The following ASTN2 variants were observed in gnomAD, a reference collection of about 807,000 sequenced individuals.
ASTN2 encodes astrotactin-2.
In ASTN2, 54 loss-of-function variants were observed where a neutral mutation model predicts 139.8. The ratio of observed to expected loss-of-function variants is 0.39; its 90% CI spans 0.31 to 0.48. The LOEUF is 0.48. Among genes scored for constraint, ASTN2 ranks in the 20% least tolerant of loss-of-function variants. The probability of loss-of-function intolerance (pLI) is 0.95; values close to 1 mark genes in which losing one functional copy is unlikely to be tolerated. For missense variants in ASTN2, 1,565 were observed against 1,725.1 expected, an observed-to-expected ratio of 0.91 and a Z score of 1.64; for synonymous variants, 756 against 719.5, an observed-to-expected ratio of 1.05 and a Z score of -0.81.
chr9:117,011,638 G>A (rs1363935216), intron 6 of ASTN2, among the ~76,000 whole-genome samples: 3 of 152,208 alleles, frequency 2.0e-5, no homozygotes, highest in African/African-American at 7.2e-5. Flanking sequence ...TGGCAGAAGG[G>A]AGTTACTATC....
intron 19 of ASTN2, among the ~76,000 whole-genome samples, chr9:116,503,454 T>C (rs1293721713): frequency 1.3e-5 from 2 of 152,040 alleles, no homozygotes; most frequent in African/African-American, 4.8e-5. Context: ...TTCCTTGAAA[T>C]AAAGAAAAGG....
At chr9:116,893,695 C>A (rs1031689753) in intron 10 of ASTN2, among the ~76,000 whole-genome samples, 2 of 152,076 alleles carry the variant, frequency 1.3e-5, no homozygotes, top group African/African-American at 4.8e-5. Flanking sequence ...ACACCTCTCC[C>A]TCCCTCTCTC....
rs565132530 is a variant in ASTN2, at chr9:116,803,016, T to C, written c.2396+2616A>G. Among the ~76,000 whole-genome samples the C allele has an allele frequency of 2.1e-4, 32 of 152,312 alleles. No homozygotes were observed. In the East Asian group the frequency reaches 6.0e-3, roughly 28 times the overall value. ...TTTCAACAGGCTTCCATGGGAACTCTTTGGAAACCATCGTCTTTCCTTGGA... is the reference window on the plus strand; with the variant it reads ...TTTCAACAGGCTTCCATGGGAACTCCTTGGAAACCATCGTCTTTCCTTGGA... On this transcript the variant is annotated intron_variant, in intron 13 of 22. Coordinates refer to ENST00000313400, the MANE Select transcript of ASTN2 (RefSeq NM_001365068.1).
intron 1 of ASTN2, among the ~76,000 whole-genome samples, chr9:117,394,915 C>T (rs1350003957): frequency 6.6e-6 from 1 of 152,034 alleles, no homozygotes; most frequent in South Asian, 2.1e-4. Flanking sequence ...CTTCAAGTAT[C>T]TACTTGAAGA....
chr9:117,380,527 C>G (rs1830239790), intron 1 of ASTN2, among the ~76,000 whole-genome samples: 1 of 151,320 alleles, frequency 6.6e-6, no homozygotes. Context: ...ATCACTTGAA[C>G]CCAGGAGGTG....
At chr9:117,172,691 G>A (rs1830822504) in intron 3 of ASTN2, among the ~76,000 whole-genome samples, 1 of 152,036 alleles carries the variant, frequency 6.6e-6, no homozygotes, top group Non-Finnish European at 1.5e-5. Flanking sequence ...TTCTATCCAA[G>A]TTTTCTCTCA....
intron 16 of ASTN2, among the ~76,000 whole-genome samples, chr9:116,702,529 G>A (rs746128474): frequency 2.0e-5 from 3 of 151,764 alleles, no homozygotes; most frequent in Non-Finnish European, 4.4e-5. Flanking sequence ...CTTTATTGAG[G>A]GCTAACTAAT....
At chr9:117,142,550 C>T (rs1344966539) in intron 3 of ASTN2, among the ~76,000 whole-genome samples, 1 of 152,106 alleles carries the variant, frequency 6.6e-6, no homozygotes, top group Non-Finnish European at 1.5e-5. Flanking sequence ...AACACCTTGT[C>T]CAATATTCCG....
chr9:116,650,495 G>A (rs1027346708), intron 17 of ASTN2, among the ~76,000 whole-genome samples: 1 of 152,088 alleles, frequency 6.6e-6, no homozygotes, highest in African/African-American at 2.4e-5. Flanking sequence ...AGCTGTAAAA[G>A]GGGTACGATA....
chr9:116,959,027 C>T (rs1403637800), intron 10 of ASTN2, among the ~76,000 whole-genome samples: 1 of 152,026 alleles, frequency 6.6e-6, no homozygotes, highest in East Asian at 1.9e-4. Flanking sequence ...TGATAAGTGC[C>T]TGGAGAGAGG....
rs116388310 is a variant in ASTN2, at chr9:116,705,855, G to A, written c.2806+19916C>T. Among the ~76,000 whole-genome samples the A allele has an allele frequency of 5.6e-3, 860 of 152,246 alleles. 4 individuals are homozygous for A. Among genetic ancestry groups the A allele is most frequent in the African/African-American group, 0.015 (631 of 41,558 alleles). ...GGGCCTTAAAAGTAAAGGGAATATC[G>A]TGAACAAAGGTACAAGATTAGGATG... is the stretch of plus-strand genomic sequence containing the variant. On this transcript the variant is annotated intron_variant, in intron 16 of 22. Transcript: ENST00000313400.
At chr9:116,717,972 A>G (rs1306661750) in intron 16 of ASTN2, among the ~76,000 whole-genome samples, 1 of 152,274 alleles carries the variant, frequency 6.6e-6, no homozygotes, top group Non-Finnish European at 1.5e-5. Context: ...TCAATATGCC[A>G]GGCACTGGCT....
intron 5 of ASTN2, among the ~76,000 whole-genome samples, chr9:117,049,124 T>C: frequency 6.6e-6 from 1 of 151,928 alleles, no homozygotes; most frequent in East Asian, 1.9e-4. Flanking sequence ...TGCGCCACTG[T>C]GCACAGTTAA....
intron 11 of ASTN2, among the ~76,000 whole-genome samples, chr9:116,828,709 A>AAGTC (rs990255154): frequency 3.3e-5 from 5 of 152,214 alleles, no homozygotes; most frequent in Admixed American, 2.6e-4. Context: ...CTCACCAAAG[A>AAGTC]AGTCAGGACA....
intron 10 of ASTN2, among the ~76,000 whole-genome samples, chr9:116,933,158 C>A (rs1834957259): frequency 6.6e-6 from 1 of 152,018 alleles, no homozygotes; most frequent in South Asian, 2.1e-4. Flanking sequence ...TAAGAGTTAG[C>A]TGTACTAATA....
At chr9:116,706,215 A>T (rs747324451) in intron 16 of ASTN2, among the ~76,000 whole-genome samples, 1 of 152,188 alleles carries the variant, frequency 6.6e-6, no homozygotes, top group Non-Finnish European at 1.5e-5. Flanking sequence ...TCCTTTAAAA[A>T]TTCTGAAATA....
chr9:116,529,352 G>A (rs1012127057), intron 19 of ASTN2, among the ~76,000 whole-genome samples: 6 of 152,104 alleles, frequency 3.9e-5, no homozygotes, highest in Non-Finnish European at 8.8e-5. Flanking sequence ...GTGACCTGTA[G>A]CCCCTTTGTT....
chr9:116,664,124 C>T (rs1170805871), intron 16 of ASTN2, among the ~76,000 whole-genome samples: 1 of 151,988 alleles, frequency 6.6e-6, no homozygotes, highest in Non-Finnish European at 1.5e-5. Context: ...TATGAAGCAT[C>T]CAAACAGTGG....
intron 3 of ASTN2, among the ~76,000 whole-genome samples, chr9:117,182,533 G>C (rs1192040541): frequency 1.3e-5 from 2 of 152,176 alleles, no homozygotes; most frequent in Non-Finnish European, 2.9e-5. Context: ...AGGGAAATTA[G>C]AACAGATAAG....
Sources: allele counts gnomAD v4.1 joint callset (sites outside exome capture counted in the v4.1 genomes callset), GRCh38; gene constraint gnomAD v4.1.1; transcripts MANE v1.5; gene names NCBI Gene and HGNC (gene_info 2026-07-23, HGNC 2026-07-21).